PIK3CB: variants seen among roughly 807,000 people sequenced by gnomAD.
PIK3CB encodes phosphatidylinositol-4,5-bisphosphate 3-kinase catalytic subunit beta.
Under a neutral mutation model 136.8 loss-of-function variants are expected in PIK3CB, and 39 were observed. The ratio of observed to expected loss-of-function variants is 0.29; its 90% CI spans 0.22 to 0.37. The LOEUF is 0.37. Among genes scored for constraint, PIK3CB ranks in the 10% least tolerant of loss-of-function variants. PIK3CB has a pLI of 1.00. For synonymous variants in PIK3CB, 428 were observed against 436.6 expected (o/e 0.98, Z 0.25); for missense variants, 868 against 1,275.4 (o/e 0.68, Z 4.87).
chr3:138,747,290 A>G (rs1414112587), intron 4 of PIK3CB, among the ~76,000 whole-genome samples: 2 of 151,340 alleles, frequency 1.3e-5, no homozygotes, highest in African/African-American at 4.9e-5. Context: ...TGGGTCCCAC[A>G]GTGTTATTCA....
At chr3:138,701,258 A>T (rs2044246844) in intron 12 of PIK3CB, among the ~76,000 whole-genome samples, 1 of 151,978 alleles carries the variant, frequency 6.6e-6, no homozygotes, top group African/African-American at 2.4e-5. Flanking sequence ...AACACTGAAG[A>T]ACTGTTTCGG....
At chr3:138,678,374 T>G (rs2043693355) in intron 19 of PIK3CB, among the ~76,000 whole-genome samples, 1 of 152,028 alleles carries the variant, frequency 6.6e-6, no homozygotes, top group South Asian at 2.1e-4. Context: ...TAAAAAAAAT[T>G]TTTTTAATAA....
rs760002387 is a variant in PIK3CB, at chr3:138,691,034, G to A, written c.2002C>T (p.Arg668Trp). ...RFLLERALGN[R>W]RIGQFLFWHL... ...CAAAATAGAAACTGCCCTATCCTCC[G>A]ATTACCAAGTGCTCTTTCTAATAGG... The change falls in exon 15 of 24, where the codon CGG becomes TGG. Residue 668 changes from arginine (R) to tryptophan (W), a missense_variant. This residue lies in a region of PIK3CB where 612 missense variants were observed against 801.1 expected (regional missense o/e 0.76). Coordinates refer to ENST00000674063, the MANE Select transcript of PIK3CB (RefSeq NM_006219.3). 31 of 1,612,992 alleles carry A rather than the reference G, an allele frequency of 1.9e-5. No homozygotes were observed. Among genetic ancestry groups the A allele is most frequent in the Non-Finnish European group, 2.6e-5 (31 of 1,179,234 alleles).
chr3:138,799,130 T>C (rs1288012571), intron 1 of PIK3CB, among the ~76,000 whole-genome samples: 1 of 151,466 alleles, frequency 6.6e-6, no homozygotes, highest in Non-Finnish European at 1.5e-5. Flanking sequence ...GCTGAGGCTA[T>C]GCTGTTCCAA....
chr3:138,694,285 T>C (rs1482424942), intron 14 of PIK3CB, among the ~76,000 whole-genome samples: 1 of 152,204 alleles, frequency 6.6e-6, no homozygotes, highest in African/African-American at 2.4e-5. Context: ...AGGGTGCTTA[T>C]GTGATAGCTG....
chr3:138,819,637 T>G (rs1933472629), intron 1 of PIK3CB, among the ~76,000 whole-genome samples: 1 of 152,156 alleles, frequency 6.6e-6, no homozygotes, highest in African/African-American at 2.4e-5. Context: ...TCAAAGATTT[T>G]TATATAATTC....
intron 13 of PIK3CB, 147 bp from the exon 14 acceptor site, chr3:138,695,054 G>A (rs1260586895): frequency 6.2e-6 from 4 of 643,378 alleles, no homozygotes; most frequent in Admixed American, 7.0e-5. Context: ...CCTGTTAATA[G>A]AGACTAATAA....
intron 2 of PIK3CB, among the ~76,000 whole-genome samples, chr3:138,786,781 T>C (rs1456982316): frequency 6.6e-6 from 1 of 152,216 alleles, no homozygotes; most frequent in Non-Finnish European, 1.5e-5. Flanking sequence ...AAAAACAGTA[T>C]TGAGACCAAC....
intron 13 of PIK3CB, among the ~76,000 whole-genome samples, chr3:138,697,577 C>T (rs527463290): frequency 3.0e-4 from 46 of 152,188 alleles, no homozygotes; most frequent in African/African-American, 1.0e-3. Flanking sequence ...CTGGAACAGG[C>T]GTGCACCACC....
chr3:138,824,382 T>C (rs1339688562), intron 1 of PIK3CB, among the ~76,000 whole-genome samples: 3 of 152,086 alleles, frequency 2.0e-5, no homozygotes, highest in Admixed American at 6.6e-5. Context: ...AGCAATACTA[T>C]AATATAGGAG....
At chr3:138,823,370 C>T (rs1933644435) in intron 1 of PIK3CB, among the ~76,000 whole-genome samples, 2 of 151,544 alleles carry the variant, frequency 1.3e-5, no homozygotes, top group Admixed American at 1.3e-4. Context: ...ACTATGAACA[C>T]GTAACTTGTC....
At chr3:138,797,037 A>G (rs931588501) in intron 1 of PIK3CB, 5 of 152,726 alleles carry the variant, frequency 3.3e-5, no homozygotes, top group African/African-American at 1.2e-4. Flanking sequence ...ATCCTGACCA[A>G]TGAGAAGACG....
intron 7 of PIK3CB, among the ~76,000 whole-genome samples, chr3:138,733,639 G>C (rs2045037981): frequency 6.6e-6 from 1 of 152,180 alleles, no homozygotes; most frequent in Admixed American, 6.5e-5. Context: ...AGCACTTTGG[G>C]AGGCTGAGGC....
chr3:138,734,808 T>C lies in PIK3CB; in HGVS notation c.802-4A>G, dbSNP rs141573792. 6.9e-6 allele frequency: 11 copies of C among 1,582,762 alleles called. No homozygotes were observed. The highest frequency in any genetic ancestry group is 1.7e-4 in the Middle Eastern group (1 of 5,920). ...TCATCACACAGTTCCGGATATACTA[T>C]AGGGGCAAGAAAGGGGAAGGTATTG... On this transcript the variant is annotated splice_polypyrimidine_tract_variant and splice_region_variant and intron_variant, in intron 6 of 23. Transcript: ENST00000674063.
At chr3:138,805,013 A>G (rs2046217061) in intron 1 of PIK3CB, among the ~76,000 whole-genome samples, 2 of 150,502 alleles carry the variant, frequency 1.3e-5, no homozygotes, top group South Asian at 4.2e-4. Flanking sequence ...TGACACAGCG[A>G]GACTCCATCT....
chr3:138,817,067 G>A (rs6780989), intron 1 of PIK3CB, among the ~76,000 whole-genome samples: 60,412 of 150,768 alleles, frequency 0.4, 12,900 homozygotes, highest in Middle Eastern at 0.47. Flanking sequence ...GGCCGGGCGC[G>A]GTGGCTCACG....
intron 1 of PIK3CB, among the ~76,000 whole-genome samples, chr3:138,810,132 A>C (rs996113541): frequency 1.3e-5 from 2 of 152,238 alleles, no homozygotes; most frequent in Non-Finnish European, 2.9e-5. Context: ...AAAGTAATAA[A>C]GTATTGGATT....
chr3:138,760,144 C>G (rs574361737), intron 2 of PIK3CB, among the ~76,000 whole-genome samples: 30 of 152,202 alleles, frequency 2.0e-4, no homozygotes, highest in Admixed American at 1.6e-3. Context: ...AGGATGGTCT[C>G]GATCTCCTGA....
intron 13 of PIK3CB, among the ~76,000 whole-genome samples, chr3:138,697,008 A>T (rs908748845): frequency 6.6e-6 from 1 of 152,230 alleles, no homozygotes; most frequent in Admixed American, 6.5e-5. Flanking sequence ...CTTTGGTAAG[A>T]TTATTTATAA....
Sources: allele counts gnomAD v4.1 joint callset (sites outside exome capture counted in the v4.1 genomes callset), GRCh38; gene constraint gnomAD v4.1.1; regional missense constraint gnomAD v4.1.1; transcripts MANE v1.5; gene names NCBI Gene and HGNC (gene_info 2026-07-23, HGNC 2026-07-21).